ROBO2: variants seen among roughly 807,000 people sequenced by gnomAD.
ROBO2 encodes roundabout homolog 2.
ROBO2 carries 53 observed loss-of-function variants against 160.8 expected under a neutral mutation model. That is an observed-to-expected ratio of 0.33 (90% CI 0.26 to 0.41). The LOEUF is 0.41. Ranked by LOEUF, ROBO2 falls within the 10% of genes least tolerant of loss-of-function variation. The probability of loss-of-function intolerance (pLI) is 1.00; values close to 1 mark genes in which losing one functional copy is unlikely to be tolerated. For synonymous variants in ROBO2, 664 were observed against 611.7 expected, an observed-to-expected ratio of 1.09 and a Z score of -1.26; for missense variants, 1,577 against 1,722.4, an observed-to-expected ratio of 0.92 and a Z score of 1.49.
chr3:76,099,655 G>A (rs1043054571), intron 2 of ROBO2, among the ~76,000 whole-genome samples: 2 of 151,972 alleles, frequency 1.3e-5, no homozygotes, highest in Non-Finnish European at 2.9e-5. Flanking sequence ...TTTTATACTT[G>A]TGCCAAAAAA....
chr3:77,565,144 G>A, intron 12 of ROBO2, 24 bp downstream of exon 13: 1 of 1,612,970 alleles, frequency 6.2e-7, no homozygotes, highest in Non-Finnish European at 8.5e-7. Flanking sequence ...CTGTCAACAA[G>A]ACTGGTTCTA....
At chr3:76,323,273 C>T (rs1328333244) in intron 2 of ROBO2, among the ~76,000 whole-genome samples, 2 of 152,014 alleles carry the variant, frequency 1.3e-5, no homozygotes, top group African/African-American at 4.8e-5. Context: ...TCCTGTGTCT[C>T]TATATTAAGC....
chr3:77,234,136 G>C (rs903181793), intron 2 of ROBO2, among the ~76,000 whole-genome samples: 1 of 152,114 alleles, frequency 6.6e-6, no homozygotes, highest in African/African-American at 2.4e-5. Flanking sequence ...ATGTAATATT[G>C]CTTTGTCTGG....
intron 2 of ROBO2, among the ~76,000 whole-genome samples, chr3:76,282,535 A>C (rs1323895443): frequency 6.6e-6 from 1 of 152,054 alleles, no homozygotes; most frequent in Non-Finnish European, 1.5e-5. Flanking sequence ...TAATTGCTTC[A>C]TAGTTGCTTT....
intron 2 of ROBO2, among the ~76,000 whole-genome samples, chr3:76,204,506 A>G (rs1302088003): frequency 1.3e-5 from 2 of 152,214 alleles, no homozygotes; most frequent in African/African-American, 4.8e-5. Context: ...CTGGAGAGAA[A>G]TAGAATGTTC....
chr3:76,472,499 A>G (rs1474147344), intron 2 of ROBO2, among the ~76,000 whole-genome samples: 2 of 152,128 alleles, frequency 1.3e-5, no homozygotes, highest in Non-Finnish European at 2.9e-5. Flanking sequence ...ATAAATAACA[A>G]TTGGACTTAG....
intron 1 of ROBO2, among the ~76,000 whole-genome samples, chr3:75,920,163 T>C (rs1336258155): frequency 2.0e-5 from 3 of 152,224 alleles, no homozygotes; most frequent in Non-Finnish European, 2.9e-5. Context: ...GATATGGGCA[T>C]TTAATGCTAT....
At chr3:76,153,929 A>T (rs2072306497) in intron 2 of ROBO2, among the ~76,000 whole-genome samples, 1 of 152,106 alleles carries the variant, frequency 6.6e-6, no homozygotes, top group Admixed American at 6.6e-5. Context: ...GAGCATATGG[A>T]TATATTGATA....
chr3:77,244,850 C>A (rs2151395080), intron 2 of ROBO2, among the ~76,000 whole-genome samples: 1 of 148,058 alleles, frequency 6.8e-6, no homozygotes, highest in African/African-American at 2.5e-5. Flanking sequence ...TGCACTCCAG[C>A]CTGGGTGACA....
intron 2 of ROBO2, among the ~76,000 whole-genome samples, chr3:77,348,141 C>A: frequency 6.6e-6 from 1 of 151,972 alleles, no homozygotes. Flanking sequence ...GGATCTTGAG[C>A]AAGAACGAAT....
intron 20 of ROBO2, among the ~76,000 whole-genome samples, chr3:77,603,507 C>A (rs1472652147): frequency 1.3e-5 from 2 of 151,958 alleles, no homozygotes; most frequent in Non-Finnish European, 2.9e-5. Flanking sequence ...GATTTTTTAT[C>A]TATTGAATGA....
Position 76,700,326 on chromosome 3 carries a change from C to T in ROBO2, c.110-397688C>T, listed in dbSNP as rs574325630. On this transcript the variant is annotated intron_variant, in intron 2 of 26. Transcript: ENST00000487694. ...TTACTCAAATATCCTTCCCAAAGAG[C>T]GATGTTTCATAACTCATCTTTTCCC... 2.6e-5 allele frequency among the ~76,000 whole-genome samples: 4 copies of T among 152,192 alleles called. No individual in the cohort carries two copies. In the South Asian group the frequency reaches 6.2e-4, roughly 24 times the overall value.
intron 2 of ROBO2, among the ~76,000 whole-genome samples, chr3:77,124,647 T>A (rs1290760603): frequency 6.6e-6 from 1 of 152,136 alleles, no homozygotes; most frequent in African/African-American, 2.4e-5. Context: ...GTCTGTTGTA[T>A]TCTTGCATTC....
intron 1 of ROBO2, among the ~76,000 whole-genome samples, chr3:75,933,785 C>T (rs983069659): frequency 1.3e-5 from 2 of 152,136 alleles, no homozygotes; most frequent in African/African-American, 4.8e-5. Context: ...CTGATGCTGG[C>T]CACAGATAGA....
At chr3:77,405,399 C>T (rs2076174013) in intron 2 of ROBO2, among the ~76,000 whole-genome samples, 1 of 151,918 alleles carries the variant, frequency 6.6e-6, no homozygotes, top group African/African-American at 2.4e-5. Context: ...GTATTTGATT[C>T]ACCAAAAAAT....
upstream of ROBO2, among the ~76,000 whole-genome samples, chr3:77,035,631 G>A (rs1335928383): frequency 1.3e-5 from 2 of 151,832 alleles, no homozygotes; most frequent in Non-Finnish European, 2.9e-5. Context: ...GACTTATATA[G>A]AGACAAGTAT....
intron 2 of ROBO2, among the ~76,000 whole-genome samples, chr3:77,112,450 G>T (rs1283827393): frequency 6.6e-6 from 1 of 151,958 alleles, no homozygotes; most frequent in Non-Finnish European, 1.5e-5. Context: ...CACCAGGTTA[G>T]CCAGGCTGGT....
intron 2 of ROBO2, among the ~76,000 whole-genome samples, chr3:77,173,919 G>T (rs1217836770): frequency 6.6e-6 from 1 of 151,982 alleles, no homozygotes; most frequent in Non-Finnish European, 1.5e-5. Flanking sequence ...CTACCATCTG[G>T]CATATCCTAT....
intron 2 of ROBO2, among the ~76,000 whole-genome samples, chr3:76,974,786 G>A (rs2059732827): frequency 6.6e-6 from 1 of 152,138 alleles, no homozygotes; most frequent in Non-Finnish European, 1.5e-5. Flanking sequence ...TTCCCCAGCT[G>A]TTGGTAGCCC....
Sources: allele counts gnomAD v4.1 joint callset (sites outside exome capture counted in the v4.1 genomes callset), GRCh38; gene constraint gnomAD v4.1.1; transcripts MANE v1.5; gene names NCBI Gene and HGNC (gene_info 2026-07-23, HGNC 2026-07-21).